CRIM1: variants seen among roughly 807,000 people sequenced by gnomAD.
CRIM1 encodes the protein cysteine-rich motor neuron 1 protein.
CRIM1 carries 32 observed loss-of-function variants against 116.4 expected under a neutral mutation model. The observed-to-expected ratio is 0.27, with a 90% CI of 0.21 to 0.37. The LOEUF is 0.37. Among genes scored for constraint, CRIM1 ranks in the 10% least tolerant of loss-of-function variants. CRIM1 has a pLI of 1.00. For missense variants in CRIM1, 1,331 were observed against 1,354.8 expected (o/e 0.98, Z 0.28); for synonymous variants, 590 against 509.2 (o/e 1.16, Z -2.13).
intron 7 of CRIM1, among the ~76,000 whole-genome samples, chr2:36,492,700 GCCAGCCTTATCT>G (rs1214528574): frequency 6.6e-6 from 1 of 152,078 alleles, no homozygotes; most frequent in Non-Finnish European, 1.5e-5. Flanking sequence ...TGCTGTCTTG[GCCAGCCTTATCT>G]CCAGTTTTAT....
intron 1 of CRIM1, among the ~76,000 whole-genome samples, chr2:36,363,535 C>A (rs1669379082): frequency 7.1e-6 from 1 of 141,258 alleles, no homozygotes; most frequent in African/African-American, 2.5e-5. Context: ...CGCCGCCCCC[C>A]CCCCCCATGA....
chr2:36,460,020 C>T (rs993780935), intron 4 of CRIM1, among the ~76,000 whole-genome samples: 2 of 151,984 alleles, frequency 1.3e-5, no homozygotes, highest in Non-Finnish European at 2.9e-5. Context: ...GGTGAGTGCC[C>T]TCTAGGGGTT....
At chr2:36,534,217 T>TG (rs535311164) in intron 13 of CRIM1, among the ~76,000 whole-genome samples, 184 of 73,298 alleles carry the variant, frequency 2.5e-3, no homozygotes, top group African/African-American at 0.01. Flanking sequence ...ATGGGAAAGA[T>TG]AAGGAAGGAA....
chr2:36,356,291 G>T lies in CRIM1; in HGVS notation c.-2G>T. ...AGGAGGAGGCGGCGGCGGCGCAGGAGGATGTACTTGGTGGCGGGGGACAGG... is the reference window on the plus strand; with the variant it reads ...AGGAGGAGGCGGCGGCGGCGCAGGATGATGTACTTGGTGGCGGGGGACAGG... On this transcript the variant is annotated 5_prime_UTR_variant, in exon 1 of 17. It adds an upstream start codon to the 5' untranslated region. Transcript: ENST00000280527. The surrounding 1 kb of genome is among the most constrained non-coding windows in gnomAD (Gnocchi z 4.3). 2 of 1,498,746 alleles carry T rather than the reference G, an allele frequency of 1.3e-6. No homozygotes were observed. Among genetic ancestry groups the T allele is most frequent in the South Asian group, 2.6e-5 (2 of 76,774 alleles). The allele number at this position is 1,498,746 out of a possible 1,614,324, so 92.8% of individuals were successfully genotyped here. A position where few individuals can be genotyped will look rare whatever the true frequency, so the allele number is the denominator to read the frequency against.
At chr2:36,463,576 G>C (rs1042928489) in intron 4 of CRIM1, among the ~76,000 whole-genome samples, 1 of 152,074 alleles carries the variant, frequency 6.6e-6, no homozygotes, top group Non-Finnish European at 1.5e-5. Context: ...GGAGTCCCAG[G>C]GCAGAAATCT....
chr2:36,439,954 G>A (rs1675662805), intron 2 of CRIM1, among the ~76,000 whole-genome samples: 2 of 152,158 alleles, frequency 1.3e-5, no homozygotes, highest in African/African-American at 4.8e-5. Context: ...CTCAGTCAAT[G>A]TTTCAGTGAA....
intron 2 of CRIM1, among the ~76,000 whole-genome samples, chr2:36,439,316 G>A (rs537333660): frequency 1.2e-4 from 19 of 152,144 alleles, no homozygotes; most frequent in African/African-American, 4.6e-4. Flanking sequence ...CTCCTCCCAC[G>A]TCTCCTTCCT....
chr2:36,418,091 A>G (rs1362008257), intron 2 of CRIM1, among the ~76,000 whole-genome samples: 1 of 152,224 alleles, frequency 6.6e-6, no homozygotes, highest in Non-Finnish European at 1.5e-5. Flanking sequence ...AGTTGGGACT[A>G]AGGGAACAGG....
chr2:36,509,548 A>G (rs1681675038), intron 8 of CRIM1, among the ~76,000 whole-genome samples: 1 of 152,192 alleles, frequency 6.6e-6, no homozygotes, highest in South Asian at 2.1e-4. Context: ...AAAAAAGGAC[A>G]TGCATTATTA....
chr2:36,527,732 A>T (rs1665849860), intron 13 of CRIM1, among the ~76,000 whole-genome samples: 2 of 152,246 alleles, frequency 1.3e-5, no homozygotes, highest in African/African-American at 4.8e-5. Context: ...AGAATCAATT[A>T]TAGTAAATAT....
intron 1 of CRIM1, among the ~76,000 whole-genome samples, chr2:36,385,490 T>C (rs1267849755): frequency 6.6e-6 from 1 of 152,132 alleles, no homozygotes; most frequent in African/African-American, 2.4e-5. Flanking sequence ...GAGATCATGT[T>C]TATATTGGTG....
intron 2 of CRIM1, among the ~76,000 whole-genome samples, chr2:36,433,039 T>G (rs747885844): frequency 4.6e-5 from 7 of 152,192 alleles, no homozygotes; most frequent in Non-Finnish European, 8.8e-5. Context: ...TCTGTAGGTC[T>G]GGTGGGCCTT....
At chr2:36,504,036 A>AT (rs774806285) in intron 8 of CRIM1, among the ~76,000 whole-genome samples, 4 of 151,544 alleles carry the variant, frequency 2.6e-5, no homozygotes, top group Admixed American at 1.3e-4. Flanking sequence ...CACCCAGCTC[A>AT]TTTTTTTTGT....
chr2:36,479,666 G>T lies in CRIM1; in HGVS notation c.1344G>T (p.Val448=). 6.2e-7 allele frequency: 1 copy of T among 1,614,202 alleles called. No homozygotes were observed. The highest frequency in any genetic ancestry group is 8.5e-7 in the Non-Finnish European group (1 of 1,180,008). ...CGQTCTNPVK[V]PGECCPVCEE... ...AGACCTGCACAAACCCTGTGAAAGT[G>T]CCTGGGGAGTGTTGCCCTGTGTGCG... The change falls in exon 7 of 17, where the codon GTG becomes GTT. Residue 448 remains valine, a synonymous_variant. Transcript: ENST00000280527.
rs1375924047 is a variant in CRIM1, at chr2:36,550,936, T to C, written c.*2235T>C. 4 of 152,760 alleles carry C rather than the reference T, an allele frequency of 2.6e-5. No individual in the cohort carries two copies. In the South Asian group the frequency reaches 6.2e-4, roughly 24 times the overall value. 9.5% of individuals were successfully genotyped at this position (152,760 alleles called of 1,614,324 possible). On this transcript the variant is annotated 3_prime_UTR_variant, in exon 17 of 17. Transcript: ENST00000280527. ...TAAAGATATGATTTATCCTGAGTGC[T>C]GTATCTATTACTCTTTTACTTTGGT...
chr2:36,473,987 G>T (rs1431457627), intron 5 of CRIM1, among the ~76,000 whole-genome samples: 1 of 152,112 alleles, frequency 6.6e-6, no homozygotes, highest in Non-Finnish European at 1.5e-5. Flanking sequence ...GAGAATTCCA[G>T]TTTCTCCACA....
chr2:36,419,457 G>T (rs1399950343), intron 2 of CRIM1, among the ~76,000 whole-genome samples: 1 of 152,138 alleles, frequency 6.6e-6, no homozygotes, highest in East Asian at 1.9e-4. Context: ...GCTTGAAATA[G>T]ACTCATTGAC....
intron 2 of CRIM1, among the ~76,000 whole-genome samples, chr2:36,411,833 T>G (rs1673232780): frequency 6.6e-6 from 1 of 152,200 alleles, no homozygotes; most frequent in Non-Finnish European, 1.5e-5. Flanking sequence ...GTGGTTCGTT[T>G]CTAAGAATCG....
chr2:36,516,671 G>C (rs1346748622), intron 11 of CRIM1, among the ~76,000 whole-genome samples: 1 of 152,182 alleles, frequency 6.6e-6, no homozygotes, highest in East Asian at 1.9e-4. Flanking sequence ...CAGTTTGCTG[G>C]CAGCTGGCTT....
Sources: allele counts gnomAD v4.1 joint callset (sites outside exome capture counted in the v4.1 genomes callset), GRCh38; gene constraint gnomAD v4.1.1; non-coding constraint Gnocchi (gnomAD v3.1); transcripts MANE v1.5; gene names NCBI Gene and HGNC (gene_info 2026-07-23, HGNC 2026-07-21).